Variants in ATRNL1 observed in about 807,000 individuals in gnomAD.
The protein encoded by ATRNL1 is attractin-like protein 1.
In ATRNL1, 95 loss-of-function variants were observed where a neutral mutation model predicts 182.7. The ratio of observed to expected loss-of-function variants is 0.52; its 90% CI spans 0.44 to 0.62. The LOEUF (loss-of-function observed/expected upper bound fraction) is 0.62. ATRNL1 is among the 20% of genes least tolerant of loss of function. The probability of loss-of-function intolerance (pLI) is 0.00; values close to 1 mark genes in which losing one functional copy is unlikely to be tolerated. For synonymous variants in ATRNL1, 576 were observed against 568.3 expected (o/e 1.01, Z -0.19); for missense variants, 1,471 against 1,679.5 (o/e 0.88, Z 2.17).
chr10:115,398,766 C>T (rs117554897), intron 20 of ATRNL1, among the ~76,000 whole-genome samples: 1,603 of 152,112 alleles, frequency 0.011, 66 homozygotes, highest in East Asian at 0.09. Context: ...TGAGAGAGGG[C>T]GTCCTTGTCT....
chr10:115,861,598 A>G lies in ATRNL1; in HGVS notation c.4018+13607A>G, dbSNP rs565507006. Among the ~76,000 whole-genome samples, 16 of 152,278 alleles carry G rather than the reference A, an allele frequency of 1.1e-4. No individual in the cohort carries two copies. In the East Asian group the frequency reaches 2.9e-3, roughly 28 times the overall value. On this transcript the variant is annotated intron_variant, in intron 28 of 28. Coordinates refer to ENST00000355044, the MANE Select transcript of ATRNL1 (RefSeq NM_207303.4). ...TTTATTGAGGTTAAATCAGTTCCTTACTACTAACTAGGCCTGTTGTCTCAG... is the reference window on the plus strand; with the variant it reads ...TTTATTGAGGTTAAATCAGTTCCTTGCTACTAACTAGGCCTGTTGTCTCAG...
chr10:115,878,204 G>T (rs1951742243), intron 28 of ATRNL1, among the ~76,000 whole-genome samples: 2 of 152,228 alleles, frequency 1.3e-5, no homozygotes, highest in South Asian at 4.1e-4. Flanking sequence ...ATCTGTTTCA[G>T]ATCTTACTGG....
chr10:115,299,860 C>A (rs1453466990), intron 15 of ATRNL1, among the ~76,000 whole-genome samples, 174 bp from the exon 16 acceptor site: 1 of 152,136 alleles, frequency 6.6e-6, no homozygotes, highest in African/African-American at 2.4e-5. Flanking sequence ...TATTCTACAT[C>A]ATTCTCCAAA....
chr10:115,429,480 G>C (rs1213934366), intron 21 of ATRNL1, among the ~76,000 whole-genome samples: 1 of 151,948 alleles, frequency 6.6e-6, no homozygotes, highest in African/African-American at 2.4e-5. Flanking sequence ...ATAATTTATG[G>C]AATATTCCTT....
chr10:115,132,852 T>C (rs1456288358), intron 5 of ATRNL1, among the ~76,000 whole-genome samples: 1 of 152,224 alleles, frequency 6.6e-6, no homozygotes, highest in Non-Finnish European at 1.5e-5. Context: ...GATGAGTAGA[T>C]TGCAAAAATT....
At chr10:115,692,850 T>C (rs1402378913) in intron 26 of ATRNL1, among the ~76,000 whole-genome samples, 2 of 152,128 alleles carry the variant, frequency 1.3e-5, no homozygotes, top group Non-Finnish European at 2.9e-5. Context: ...TCAATGTATA[T>C]GTGATGCTAA....
At chr10:115,389,140 T>G (rs1169316979) in intron 19 of ATRNL1, among the ~76,000 whole-genome samples, 1 of 152,150 alleles carries the variant, frequency 6.6e-6, no homozygotes, top group Non-Finnish European at 1.5e-5. Context: ...AGATCCCACA[T>G]ATAATTGAGA....
chr10:115,389,990 G>A (rs1403025967), intron 19 of ATRNL1, among the ~76,000 whole-genome samples: 2 of 151,964 alleles, frequency 1.3e-5, no homozygotes, highest in African/African-American at 4.8e-5. Context: ...CCATTTGTAT[G>A]TCTGCTTTTA....
intron 26 of ATRNL1, among the ~76,000 whole-genome samples, chr10:115,577,861 CA>C (rs1281459019): frequency 6.6e-6 from 1 of 151,390 alleles, no homozygotes; most frequent in Admixed American, 6.6e-5. Context: ...AGTTTTTTCC[CA>C]TTGATTATGA....
At chr10:115,338,315 TTTTCTCCA>T (rs1564929659) in intron 19 of ATRNL1, among the ~76,000 whole-genome samples, 1 of 152,166 alleles carries the variant, frequency 6.6e-6, no homozygotes, top group East Asian at 1.9e-4. Context: ...ACCTTCAAAC[TTTTCTCCA>T]TAGTACTTGT....
intron 27 of ATRNL1, among the ~76,000 whole-genome samples, chr10:115,814,168 C>T (rs1166711095): frequency 2.0e-5 from 3 of 152,062 alleles, no homozygotes; most frequent in Non-Finnish European, 4.4e-5. Flanking sequence ...AATGTTCAGC[C>T]TTCTAAATAT....
intron 25 of ATRNL1, among the ~76,000 whole-genome samples, chr10:115,548,364 A>C (rs561247264): frequency 6.6e-6 from 1 of 152,220 alleles, no homozygotes; most frequent in Non-Finnish European, 1.5e-5. Flanking sequence ...AGGAGAAAAA[A>C]TATATTGAAG....
At chr10:115,910,736 C>T (rs1186044673) in intron 28 of ATRNL1, among the ~76,000 whole-genome samples, 9 of 152,160 alleles carry the variant, frequency 5.9e-5, no homozygotes, top group African/African-American at 2.2e-4. Flanking sequence ...CAGTGCCTGC[C>T]TGTTAGAGGC....
At chr10:115,759,781 T>G (rs1417051102) in intron 27 of ATRNL1, among the ~76,000 whole-genome samples, 1 of 150,920 alleles carries the variant, frequency 6.6e-6, no homozygotes, top group East Asian at 1.9e-4. Flanking sequence ...GTTCAAGTGA[T>G]TCTCCTGCCT....
chr10:115,164,531 A>G (rs1846948791), intron 6 of ATRNL1, among the ~76,000 whole-genome samples: 1 of 152,176 alleles, frequency 6.6e-6, no homozygotes, highest in Admixed American at 6.6e-5. Flanking sequence ...CTGCACTCTC[A>G]GATTTATTGC....
At chr10:115,444,704 ATTATTTTATT>A (rs1370770907) in intron 21 of ATRNL1, among the ~76,000 whole-genome samples, 6 of 151,420 alleles carry the variant, frequency 4.0e-5, no homozygotes, top group East Asian at 1.9e-4. Context: ...TTTACCTGAA[ATTATTTTATT>A]TTATTTTATT....
At chr10:115,231,155 T>C (rs1474606829) in intron 9 of ATRNL1, among the ~76,000 whole-genome samples, 1 of 152,062 alleles carries the variant, frequency 6.6e-6, no homozygotes, top group African/African-American at 2.4e-5. Flanking sequence ...AATTTTCTGG[T>C]CAAAGAGATG....
At chr10:115,185,904 T>G (rs1847921867) in intron 8 of ATRNL1, among the ~76,000 whole-genome samples, 1 of 152,034 alleles carries the variant, frequency 6.6e-6, no homozygotes, top group African/African-American at 2.4e-5. Context: ...GTGGTAGAGT[T>G]CTGCAAACCA....
chr10:115,586,963 C>T (rs577889752), intron 26 of ATRNL1, among the ~76,000 whole-genome samples: 3 of 135,030 alleles, frequency 2.2e-5, no homozygotes, highest in African/African-American at 7.7e-5. Flanking sequence ...TGTTAGTTTT[C>T]CTTCTAACAG....
Sources: allele counts gnomAD v4.1 joint callset (sites outside exome capture counted in the v4.1 genomes callset), GRCh38; gene constraint gnomAD v4.1.1; transcripts MANE v1.5; gene names NCBI Gene and HGNC (gene_info 2026-07-23, HGNC 2026-07-21).